The following SND1 variants were observed in gnomAD, a reference collection of about 807,000 sequenced individuals.
The protein encoded by SND1 is staphylococcal nuclease domain-containing protein 1.
In SND1, 38 loss-of-function variants were observed where a neutral mutation model predicts 121.7. The observed-to-expected ratio is 0.31, with a 90% CI of 0.24 to 0.41. The LOEUF is 0.41. SND1 is among the 10% of genes least tolerant of loss of function. SND1 has a pLI of 1.00. For missense variants in SND1, 868 were observed against 1,184.6 expected, an observed-to-expected ratio of 0.73 and a Z score of 3.92; for synonymous variants, 401 against 447.4, an observed-to-expected ratio of 0.90 and a Z score of 1.31.
intron 16 of SND1, among the ~76,000 whole-genome samples, chr7:128,066,737 T>C (rs2117041005): frequency 6.6e-6 from 1 of 152,316 alleles, no homozygotes; most frequent in East Asian, 1.9e-4. Flanking sequence ...GAGGTATCTC[T>C]TCAAGTTCAC....
chr7:127,653,272 C>T (rs1795154263), intron 1 of SND1, among the ~76,000 whole-genome samples: 1 of 152,312 alleles, frequency 6.6e-6, no homozygotes, highest in African/African-American at 2.4e-5. Context: ...ACTCCTAGCT[C>T]CATGATAATT....
At chr7:127,767,656 TATTA>T (rs1480009388) in intron 10 of SND1, among the ~76,000 whole-genome samples, 6 of 152,234 alleles carry the variant, frequency 3.9e-5, no homozygotes, top group African/African-American at 9.7e-5. Context: ...CTAACAAATC[TATTA>T]ATTCTCTTCA....
chr7:128,005,410 T>G (rs1198886350), intron 16 of SND1, among the ~76,000 whole-genome samples: 2 of 152,262 alleles, frequency 1.3e-5, no homozygotes, highest in African/African-American at 4.8e-5. Flanking sequence ...CAGTCTTTCA[T>G]CTGTCCTTCC....
At chr7:127,926,406 A>G (rs1800833704) in intron 14 of SND1, among the ~76,000 whole-genome samples, 1 of 152,164 alleles carries the variant, frequency 6.6e-6, no homozygotes, top group East Asian at 1.9e-4. Context: ...CCACAGGCAT[A>G]TCACCTCATC....
chr7:127,821,445 T>C (rs1798546487), intron 11 of SND1, among the ~76,000 whole-genome samples: 2 of 152,204 alleles, frequency 1.3e-5, no homozygotes, highest in Admixed American at 6.5e-5. Context: ...CTGGACTCCA[T>C]GTCATCATCT....
chr7:128,089,836 GT>G (rs566956545), intron 22 of SND1, 144 bp downstream of exon 22: 1 of 747,524 alleles, frequency 1.3e-6, no homozygotes, highest in Admixed American at 2.9e-5. Context: ...GTTTGTTGGT[GT>G]TTTTTTGTTT....
intron 1 of SND1, among the ~76,000 whole-genome samples, chr7:127,667,740 C>G (rs998024307): frequency 6.6e-6 from 1 of 152,182 alleles, no homozygotes; most frequent in African/African-American, 2.4e-5. Flanking sequence ...ACAGATCAGG[C>G]GTCGAAAAAT....
At chr7:127,659,754 G>C (rs1255053104) in intron 1 of SND1, among the ~76,000 whole-genome samples, 1 of 152,200 alleles carries the variant, frequency 6.6e-6, no homozygotes, top group Non-Finnish European at 1.5e-5. Context: ...GGGGACACAA[G>C]TTCTGGCCTG....
intron 15 of SND1, among the ~76,000 whole-genome samples, chr7:127,986,421 A>C (rs1308128477): frequency 6.6e-6 from 1 of 152,226 alleles, no homozygotes; most frequent in African/African-American, 2.4e-5. Context: ...TGTCCAGAGA[A>C]GGCCTTGCAT....
intron 4 of SND1, among the ~76,000 whole-genome samples, chr7:127,699,262 TATTTATTGAGC>T (rs1333782525): frequency 6.6e-6 from 1 of 152,226 alleles, no homozygotes; most frequent in African/African-American, 2.4e-5. Flanking sequence ...GAGTCCCAAA[TATTTATTGAGC>T]ACTTACTATG....
chr7:128,025,432 T>C (rs1006533101), intron 16 of SND1, among the ~76,000 whole-genome samples: 1 of 152,206 alleles, frequency 6.6e-6, no homozygotes, highest in African/African-American at 2.4e-5. Flanking sequence ...TTAGACTAAA[T>C]GATTTTTCAC....
At chr7:128,036,290 T>C (rs1188806926) in intron 16 of SND1, among the ~76,000 whole-genome samples, 1 of 152,196 alleles carries the variant, frequency 6.6e-6, no homozygotes, top group East Asian at 1.9e-4. Context: ...GTTTAATAAG[T>C]AAAATCAGAA....
At chr7:127,760,725 T>C (rs1271759843) in intron 10 of SND1, among the ~76,000 whole-genome samples, 4 of 152,208 alleles carry the variant, frequency 2.6e-5, no homozygotes. Context: ...CAAACTTTTT[T>C]CCCTTAACCT....
At chr7:127,762,697 A>C (rs1377844326) in intron 10 of SND1, among the ~76,000 whole-genome samples, 1 of 152,214 alleles carries the variant, frequency 6.6e-6, no homozygotes, top group Non-Finnish European at 1.5e-5. Flanking sequence ...ACTGAAACTC[A>C]AGTTTGTCTT....
intron 15 of SND1, among the ~76,000 whole-genome samples, chr7:127,944,082 A>G (rs1801274389): frequency 6.6e-6 from 1 of 152,244 alleles, no homozygotes; most frequent in Admixed American, 6.5e-5. Flanking sequence ...TGGGTTAGAA[A>G]TAAACTGCTT....
At chr7:127,780,988 T>C (rs1408101978) in intron 10 of SND1, among the ~76,000 whole-genome samples, 1 of 152,208 alleles carries the variant, frequency 6.6e-6, no homozygotes, top group Non-Finnish European at 1.5e-5. Flanking sequence ...GACACTGTAA[T>C]ATTGCCTAGT....
chr7:127,878,719 A>T (rs1330087345), intron 12 of SND1, among the ~76,000 whole-genome samples: 1 of 152,048 alleles, frequency 6.6e-6, no homozygotes, highest in Non-Finnish European at 1.5e-5. Flanking sequence ...TAAATTGTTA[A>T]TCAGTGTAAA....
chr7:127,664,028 A>C (rs1326581605), intron 1 of SND1, among the ~76,000 whole-genome samples: 1 of 152,104 alleles, frequency 6.6e-6, no homozygotes, highest in African/African-American at 2.4e-5. Flanking sequence ...AACTCTAGTC[A>C]TTTCTTTTTT....
intron 15 of SND1, among the ~76,000 whole-genome samples, chr7:127,979,072 C>A (rs1802197511): frequency 6.6e-6 from 1 of 152,150 alleles, no homozygotes; most frequent in Non-Finnish European, 1.5e-5. Context: ...TAGTAAATAT[C>A]TTAGTCTTTG....
Sources: gnomAD v4.1 joint callset for allele counts (sites outside exome capture counted in the v4.1 genomes callset) on GRCh38, gnomAD v4.1.1 for gene constraint, MANE v1.5 for transcripts, NCBI Gene and HGNC (gene_info 2026-07-23, HGNC 2026-07-21) for gene names.